HID1: variants seen among roughly 807,000 people sequenced by gnomAD.
HID1 encodes protein HID1.
Under a neutral mutation model 89.7 loss-of-function variants are expected in HID1, and 42 were observed. The ratio of observed to expected loss-of-function variants is 0.47; its 90% CI spans 0.37 to 0.61. The LOEUF (loss-of-function observed/expected upper bound fraction) is 0.61. Among genes scored for constraint, HID1 ranks in the 20% least tolerant of loss-of-function variants. The probability of loss-of-function intolerance (pLI) is 0.00; values close to 1 mark genes in which losing one functional copy is unlikely to be tolerated. For missense variants in HID1, 854 were observed against 1,039.3 expected (o/e 0.82, Z 2.45); for synonymous variants, 442 against 433.8 (o/e 1.02, Z -0.24).
chr17:74,952,428 T>C (rs2039318351), intron 16 of HID1, 68 bp from the exon 17 acceptor site: 2 of 1,196,884 alleles, frequency 1.7e-6, no homozygotes, highest in Non-Finnish European at 2.5e-6. Context: ...AGCCTGACCC[T>C]GACCCAGAAC....
chr17:74,971,108 C>T (rs2039639927), intron 1 of HID1, among the ~76,000 whole-genome samples: 2 of 152,204 alleles, frequency 1.3e-5, no homozygotes, highest in Non-Finnish European at 2.9e-5. Context: ...CTAGGCCACT[C>T]CAGAGCCTTT....
intron 14 of HID1, among the ~76,000 whole-genome samples, 184 bp downstream of exon 14, chr17:74,953,954 C>T (rs2039347134): frequency 6.6e-6 from 1 of 152,190 alleles, no homozygotes. Context: ...TTGCCCCCAA[C>T]ACCAAGCTAC....
rs190767238 is a variant in HID1, at chr17:74,959,299, G to A, written c.1009-248C>T. The stretch of plus-strand genomic sequence containing the variant: ...CAGACTCTCTGTCCTTGGGCTGTGC[G>A]CCCCTTGAGCAAGGCTGCTGCTCTC... On this transcript the variant is annotated intron_variant, in intron 8 of 18. Coordinates refer to ENST00000425042, the MANE Select transcript of HID1 (RefSeq NM_030630.3). This position sits in a 1 kb window ranked among gnomAD's most constrained non-coding sequence, Gnocchi z 4.6. Among the ~76,000 whole-genome samples the A allele has an allele frequency of 4.6e-5, 7 of 152,228 alleles. No homozygotes were observed. The East Asian group carries it at 9.7e-4, about 21-fold the overall frequency.
In HID1 at chr17:74,958,590, C is replaced by T; in HGVS notation, c.1240+83G>A. The T allele has an allele frequency of 2.5e-6, 4 of 1,583,018 alleles. No homozygotes were observed. The highest frequency in any genetic ancestry group is 2.6e-6 in the Non-Finnish European group (3 of 1,154,934). The stretch of plus-strand genomic sequence containing the variant: ...AGGAGGTCAGAGTGCCAGGCCTGAG[C>T]TCCTGGGAGTCAGGGCAGATAGCCA... On this transcript the variant is annotated intron_variant, in intron 10 of 18. Transcript: ENST00000425042. The surrounding 1 kb of genome is among the most constrained non-coding windows in gnomAD (Gnocchi z 5.2).
intron 13 of HID1, chr17:74,954,661 C>A: frequency 2.1e-6 from 1 of 474,506 alleles, no homozygotes. Context: ...GCAAAAAGTA[C>A]AGGCCCCAGC....
intron 16 of HID1, 62 bp downstream of exon 16, chr17:74,952,944 C>T (rs558940586): frequency 1.6e-5 from 21 of 1,335,562 alleles, no homozygotes; most frequent in South Asian, 2.7e-5. Context: ...ACCCAGCTCC[C>T]GCCTCAGTAC....
intron 14 of HID1, 59 bp downstream of exon 14, chr17:74,954,079 A>G: frequency 6.8e-7 from 1 of 1,467,284 alleles, no homozygotes; most frequent in Non-Finnish European, 9.3e-7. Context: ...CCCCGAGACC[A>G]TGTCCCTCCC....
At chr17:74,965,227 C>T (rs2039544011) in intron 1 of HID1, among the ~76,000 whole-genome samples, 1 of 152,232 alleles carries the variant, frequency 6.6e-6, no homozygotes, top group Non-Finnish European at 1.5e-5. Context: ...CTTGCCAGGG[C>T]TGCCAACTTC....
intron 1 of HID1, among the ~76,000 whole-genome samples, chr17:74,968,828 G>C (rs919951780): frequency 1.3e-5 from 2 of 152,228 alleles, no homozygotes; most frequent in Non-Finnish European, 2.9e-5. Flanking sequence ...GCACAAGCAG[G>C]CATGACCTCT....
chr17:74,965,917 C>CA (rs55706307), intron 1 of HID1, among the ~76,000 whole-genome samples: 15,488 of 139,054 alleles, frequency 0.11, 2,196 homozygotes, highest in African/African-American at 0.34. Context: ...AACCCCATCT[C>CA]AAAAAAAAAA....
intron 1 of HID1, among the ~76,000 whole-genome samples, chr17:74,966,676 G>A (rs1325711082): frequency 1.3e-5 from 2 of 152,142 alleles, no homozygotes; most frequent in Non-Finnish European, 2.9e-5. Flanking sequence ...GGGGCCGGGC[G>A]TGGTGGCTCA....
intron 1 of HID1, chr17:74,970,740 TATC>T (rs2039634096): frequency 6.6e-6 from 1 of 152,352 alleles, no homozygotes; most frequent in African/African-American, 2.4e-5. Context: ...TGGAACCACA[TATC>T]ATCCTATGGA....
At chr17:74,964,172 T>C in intron 2 of HID1, 1 of 594,192 alleles carries the variant, frequency 1.7e-6, no homozygotes, top group Non-Finnish European at 3.0e-6. Flanking sequence ...GAGGCCTTGC[T>C]AAGTGAGTCT....
At position 74,954,319 on chromosome 17, in the gene HID1, G is replaced by A. The variant is rs1295864310; in HGVS notation, c.1683C>T (p.Phe561=). The A allele has an allele frequency of 7.6e-6, 12 of 1,586,462 alleles. No homozygotes were observed. Among genetic ancestry groups the A allele is most frequent in the South Asian group, 4.6e-5 (4 of 86,882 alleles). Residue 561 remains phenylalanine (F), a synonymous_variant, in exon 14 of 19, where the codon TTC becomes TTT. Coordinates refer to ENST00000425042, the MANE Select transcript of HID1 (RefSeq NM_030630.3). ...VYAIIRKRSI[F]HQLANLPTDP... is the part of the protein sequence containing the mutation. ...CCGTGGGCAGGTTGGCCAGCTGGTGGAAGATGCTGCGCTTGCGGATGATGG... is the reference window on the plus strand; with the variant it reads ...CCGTGGGCAGGTTGGCCAGCTGGTGAAAGATGCTGCGCTTGCGGATGATGG...
At chr17:74,963,189 T>G (rs1218112660) in intron 3 of HID1, 108 bp from the exon 4 acceptor site, 1 of 733,434 alleles carries the variant, frequency 1.4e-6, no homozygotes, top group Non-Finnish European at 2.2e-6. Flanking sequence ...CGGGCACCCA[T>G]GGGCAGAGGA....
rs2039310565 is a variant in HID1, at chr17:74,952,081, T to G, written c.2145-18A>C. ...TCAGGCCCCTGCGGGGAGAGGGGTA[T>G]CTCCAGCACACTCACGTGGTCCAGG... is the stretch of plus-strand genomic sequence containing the variant. On this transcript the variant is annotated intron_variant, in intron 17 of 18. Transcript: ENST00000425042. The G allele has an allele frequency of 1.9e-6, 3 of 1,554,534 alleles. No homozygotes were observed. The highest frequency in any genetic ancestry group is 2.7e-5 in the African/African-American group (2 of 73,718).
At chr17:74,966,972 G>T (rs934246523) in intron 1 of HID1, among the ~76,000 whole-genome samples, 9 of 152,014 alleles carry the variant, frequency 5.9e-5, no homozygotes, top group African/African-American at 2.2e-4. Context: ...CAGGTGAGGT[G>T]GCTCACACCT....
At chr17:74,971,591 G>A (rs1297279386) in intron 1 of HID1, among the ~76,000 whole-genome samples, 1 of 152,168 alleles carries the variant, frequency 6.6e-6, no homozygotes, top group African/African-American at 2.4e-5. Flanking sequence ...CTGGAGAGCA[G>A]GAGGTGGGGG....
intron 13 of HID1, 182 bp from the exon 14 acceptor site, chr17:74,954,547 C>T: frequency 9.7e-7 from 1 of 1,029,746 alleles, no homozygotes. Flanking sequence ...CTGTGTGTGC[C>T]CACTATGGCT....
Sources: gnomAD v4.1 joint callset for allele counts (sites outside exome capture counted in the v4.1 genomes callset) on GRCh38, gnomAD v4.1.1 for gene constraint, Gnocchi (gnomAD v3.1) non-coding constraint, MANE v1.5 for transcripts, NCBI Gene and HGNC (gene_info 2026-07-23, HGNC 2026-07-21) for gene names.